Variants in ADAMTSL1 observed in about 807,000 individuals in gnomAD.
The protein encoded by ADAMTSL1 is ADAMTS-like protein 1.
In ADAMTSL1, 126 loss-of-function variants were observed where a neutral mutation model predicts 201.8. The observed-to-expected ratio is 0.62, with a 90% CI of 0.54 to 0.72. The LOEUF is 0.72. ADAMTSL1 is among the 30% of genes least tolerant of loss of function. The pLI is 0.00. For synonymous variants in ADAMTSL1, 1,121 were observed against 903.4 expected (o/e 1.24, Z -4.32); for missense variants, 2,679 against 2,277.8 (o/e 1.18, Z -3.59).
At chr9:18,709,658 A>G (rs1832435581) in intron 14 of ADAMTSL1, among the ~76,000 whole-genome samples, 1 of 152,186 alleles carries the variant, frequency 6.6e-6, no homozygotes, top group South Asian at 2.1e-4. Context: ...GATCGAACGC[A>G]AGCCTAACCT....
chr9:18,149,242 A>C (rs1285408769), intron 1 of ADAMTSL1, among the ~76,000 whole-genome samples: 1 of 152,016 alleles, frequency 6.6e-6, no homozygotes, highest in Non-Finnish European at 1.5e-5. Flanking sequence ...AAACCTATAG[A>C]GTTATAGGTG....
chr9:18,597,880 A>G (rs1169783325), intron 4 of ADAMTSL1, among the ~76,000 whole-genome samples: 1 of 152,172 alleles, frequency 6.6e-6, no homozygotes, highest in Non-Finnish European at 1.5e-5. Flanking sequence ...AACAATCCTA[A>G]TAAGGGCTGC....
At chr9:18,111,315 T>G (rs1361299244) in intron 1 of ADAMTSL1, among the ~76,000 whole-genome samples, 1 of 152,202 alleles carries the variant, frequency 6.6e-6, no homozygotes, top group Non-Finnish European at 1.5e-5. Context: ...AACTTTGCAG[T>G]GGGCAAAACC....
At chr9:18,768,455 C>CTT (rs10659731) in intron 16 of ADAMTSL1, among the ~76,000 whole-genome samples, 41,206 of 116,848 alleles carry the variant, frequency 0.35, 8,278 homozygotes, top group East Asian at 0.57. Context: ...TGAGCCTCAG[C>CTT]TTTTTTTTTT....
At chr9:18,752,642 A>T (rs1819530961) in intron 15 of ADAMTSL1, among the ~76,000 whole-genome samples, 1 of 152,002 alleles carries the variant, frequency 6.6e-6, no homozygotes, top group Admixed American at 6.5e-5. Flanking sequence ...CGTGCACTCA[A>T]CTCATCTGCG....
At chr9:18,264,917 T>C (rs1037152770) in intron 2 of ADAMTSL1, among the ~76,000 whole-genome samples, 1 of 152,220 alleles carries the variant, frequency 6.6e-6, no homozygotes, top group African/African-American at 2.4e-5. Context: ...TTCATTTCTC[T>C]GTTACATACA....
At chr9:18,075,735 G>A (rs1823191755) in intron 1 of ADAMTSL1, among the ~76,000 whole-genome samples, 1 of 152,222 alleles carries the variant, frequency 6.6e-6, no homozygotes, top group Admixed American at 6.5e-5. Flanking sequence ...GGAGGGCTGT[G>A]TAACCCCAGA....
rs796083664 is a variant in ADAMTSL1, at chr9:17,909,223, C to T, written c.87+2301C>T. Among the ~76,000 whole-genome samples the T allele has an allele frequency of 1.1e-3, 166 of 146,696 alleles. 5 individuals carry two copies. The South Asian group carries it at 0.037, about 33-fold the overall frequency. On this transcript the variant is annotated intron_variant, in intron 1 of 29. Transcript: ENST00000680146. The stretch of plus-strand genomic sequence containing the variant: ...TTCATTGTAGATTCTGGGTATTAGC[C>T]CTTTGTCAGATGAGTAGGTTGCAAA...
chr9:18,580,189 T>A (rs563325904), intron 4 of ADAMTSL1, among the ~76,000 whole-genome samples: 1 of 152,318 alleles, frequency 6.6e-6, no homozygotes, highest in Non-Finnish European at 1.5e-5. Flanking sequence ...TATAATATTG[T>A]TTTAAAATGA....
intron 20 of ADAMTSL1, among the ~76,000 whole-genome samples, chr9:18,806,709 C>T (rs1317136259): frequency 6.6e-6 from 1 of 152,196 alleles, no homozygotes; most frequent in East Asian, 1.9e-4. Context: ...GAGCCAGAGC[C>T]CAGACTATGT....
At chr9:18,710,661 G>GT (rs1352571180) in intron 14 of ADAMTSL1, among the ~76,000 whole-genome samples, 12,353 of 78,696 alleles carry the variant, frequency 0.16, 2,236 homozygotes, top group East Asian at 0.29. Context: ...AAGGGCCTAA[G>GT]TTTTGTTTTG....
At chr9:18,905,075 C>T (rs1215254800) in intron 26 of ADAMTSL1, among the ~76,000 whole-genome samples, 1 of 152,194 alleles carries the variant, frequency 6.6e-6, no homozygotes, top group Non-Finnish European at 1.5e-5. Context: ...AGCCTTTGTT[C>T]TAAAGTGACC....
At position 18,886,166 on chromosome 9, in the gene ADAMTSL1, G is replaced by GTATGTGTA. The variant is rs55916376; in HGVS notation, c.4250-1662_4250-1661insGTGTATAT. On this transcript the variant is annotated intron_variant, in intron 23 of 28. Transcript: ENST00000380548. ...TATATATACATGTGAGTGTGTATGT[G>GTATGTGTA]TATATATATATATATATATATATAT... 9.2e-3 allele frequency among the ~76,000 whole-genome samples: 340 copies of GTATGTGTA among 36,928 alleles called. 1 individual carries two copies. The highest frequency in any genetic ancestry group is 0.014 in the Non-Finnish European group (284 of 20,356). The allele number at this position is 36,928 out of a possible 152,430, so 24.2% of individuals were successfully genotyped here.
intron 26 of ADAMTSL1, among the ~76,000 whole-genome samples, chr9:18,902,522 A>G (rs1188548912): frequency 1.4e-5 from 1 of 69,858 alleles, no homozygotes; most frequent in African/African-American, 4.2e-5. Flanking sequence ...CAGAAAAGAA[A>G]TAACAAGGAA....
chr9:18,507,618 A>T (rs891489863), intron 2 of ADAMTSL1, among the ~76,000 whole-genome samples: 1 of 152,200 alleles, frequency 6.6e-6, no homozygotes, highest in Non-Finnish European at 1.5e-5. Context: ...ACAACATGCT[A>T]TTATTGAACA....
chr9:18,517,993 C>T (rs1039438101), intron 2 of ADAMTSL1, among the ~76,000 whole-genome samples: 1 of 152,086 alleles, frequency 6.6e-6, no homozygotes, highest in East Asian at 1.9e-4. Context: ...TTCTTTCCTT[C>T]CCTCCTTCTA....
chr9:17,927,019 C>T (rs983655515), intron 1 of ADAMTSL1, among the ~76,000 whole-genome samples: 26 of 152,198 alleles, frequency 1.7e-4, no homozygotes, highest in Non-Finnish European at 3.4e-4. Flanking sequence ...CTCTTTTCAA[C>T]TTGCAAAACT....
intron 1 of ADAMTSL1, among the ~76,000 whole-genome samples, chr9:17,998,717 T>C (rs1302178422): frequency 2.0e-5 from 3 of 152,046 alleles, no homozygotes; most frequent in Non-Finnish European, 4.4e-5. Flanking sequence ...GTGGATTCTT[T>C]ATAAGTATTG....
At chr9:18,188,192 C>T (rs545198309) in intron 2 of ADAMTSL1, among the ~76,000 whole-genome samples, 1 of 152,224 alleles carries the variant, frequency 6.6e-6, no homozygotes, top group Non-Finnish European at 1.5e-5. Flanking sequence ...CCTTTTCCCC[C>T]CAACACATAC....
Sources: gnomAD v4.1 joint callset for allele counts (sites outside exome capture counted in the v4.1 genomes callset) on GRCh38, gnomAD v4.1.1 for gene constraint, MANE v1.5 for transcripts, NCBI Gene and HGNC (gene_info 2026-07-23, HGNC 2026-07-21) for gene names.